STXBP5L: variants seen among roughly 807,000 people sequenced by gnomAD.
STXBP5L encodes the protein syntaxin-binding protein 5-like.
Under a neutral mutation model 144.5 loss-of-function variants are expected in STXBP5L, and 65 were observed. That is an observed-to-expected ratio of 0.45 (90% CI 0.37 to 0.55). The LOEUF (loss-of-function observed/expected upper bound fraction) is 0.55, where lower values mean the gene tolerates loss of function less well. Ranked by LOEUF, STXBP5L falls within the 20% of genes least tolerant of loss-of-function variation. The probability of loss-of-function intolerance (pLI) is 0.00; values close to 1 mark genes in which losing one functional copy is unlikely to be tolerated. For missense variants in STXBP5L, 1,298 were observed against 1,405.5 expected, an observed-to-expected ratio of 0.92 and a Z score of 1.22; for synonymous variants, 505 against 469.6, an observed-to-expected ratio of 1.08 and a Z score of -0.97.
chr3:120,996,373 A>G (rs1012902273), intron 3 of STXBP5L, among the ~76,000 whole-genome samples: 3 of 152,000 alleles, frequency 2.0e-5, no homozygotes, highest in Admixed American at 2.0e-4. Context: ...AAGGTATACA[A>G]TGTCATATAT....
At chr3:121,134,838 C>T (rs189268995) in intron 7 of STXBP5L, among the ~76,000 whole-genome samples, 5 of 152,288 alleles carry the variant, frequency 3.3e-5, no homozygotes, top group African/African-American at 1.2e-4. Flanking sequence ...CAAGTCTTTG[C>T]TATTGTGAAT....
intron 19 of STXBP5L, among the ~76,000 whole-genome samples, chr3:121,285,610 A>C (rs1053193267): frequency 6.6e-6 from 1 of 152,110 alleles, no homozygotes; most frequent in Admixed American, 6.6e-5. Flanking sequence ...TTTGTAGTTG[A>C]AAGAAAACTT....
chr3:121,226,939 G>A (rs2049140566), intron 11 of STXBP5L, among the ~76,000 whole-genome samples: 2 of 152,156 alleles, frequency 1.3e-5, no homozygotes, highest in South Asian at 4.2e-4. Context: ...GTAAAACTAG[G>A]AACTCTTGAA....
Position 121,423,723 on chromosome 3 carries a change from C to T in STXBP5L, c.*4626C>T, listed in dbSNP as rs575724972. The T allele has an allele frequency of 6.6e-6, 1 of 152,336 alleles. No homozygotes were observed. Among genetic ancestry groups the T allele is most frequent in the South Asian group, 2.1e-4 (1 of 4,834 alleles). The allele number at this position is 152,336 out of a possible 1,614,324, so 9.4% of individuals were successfully genotyped here. On this transcript the variant is annotated 3_prime_UTR_variant, in exon 27 of 27. Coordinates refer to ENST00000471454, the MANE Select transcript of STXBP5L (RefSeq NM_001308330.2). ...CTAATGTCCAGCCAAAGTTGATTAT[C>T]ACTGCTTTATGGCCAACTAAGGAAA...
At chr3:121,394,268 T>C (rs2046668645) in intron 22 of STXBP5L, among the ~76,000 whole-genome samples, 4 of 152,210 alleles carry the variant, frequency 2.6e-5, no homozygotes, top group African/African-American at 2.4e-5. Flanking sequence ...ACATTGATTT[T>C]TATATACTGA....
chr3:120,976,513 T>G (rs576446539), intron 3 of STXBP5L, among the ~76,000 whole-genome samples: 2 of 152,298 alleles, frequency 1.3e-5, no homozygotes, highest in Admixed American at 6.5e-5. Context: ...GTTCATTAAT[T>G]TTTTGAAGGG....
chr3:121,140,208 A>G (rs2107935847), intron 7 of STXBP5L, among the ~76,000 whole-genome samples: 1 of 152,278 alleles, frequency 6.6e-6, no homozygotes, highest in African/African-American at 2.4e-5. Context: ...AACCACAGTG[A>G]GCTATCACCT....
At chr3:121,153,880 T>C (rs1480005349) in intron 8 of STXBP5L, among the ~76,000 whole-genome samples, 2 of 151,924 alleles carry the variant, frequency 1.3e-5, no homozygotes, top group East Asian at 3.9e-4. Flanking sequence ...AGCTAGGAGT[T>C]TCCTTTTGTT....
chr3:121,321,490 G>A (rs944019825), intron 20 of STXBP5L, among the ~76,000 whole-genome samples: 1 of 152,046 alleles, frequency 6.6e-6, no homozygotes, highest in East Asian at 1.9e-4. Flanking sequence ...ATATACAATA[G>A]CCACACATAC....
At chr3:121,119,258 A>G (rs1205504511) in intron 6 of STXBP5L, among the ~76,000 whole-genome samples, 3 of 151,462 alleles carry the variant, frequency 2.0e-5, no homozygotes, top group African/African-American at 7.2e-5. Context: ...GCAAATGAGT[A>G]GTAACTTTCC....
At chr3:121,093,471 A>G (rs931707751) in intron 5 of STXBP5L, among the ~76,000 whole-genome samples, 5 of 152,216 alleles carry the variant, frequency 3.3e-5, no homozygotes, top group Middle Eastern at 3.4e-3. Flanking sequence ...GTCTATTCAG[A>G]GATTCAACTT....
At chr3:121,235,805 A>G (rs2049457395) in intron 12 of STXBP5L, among the ~76,000 whole-genome samples, 1 of 149,772 alleles carries the variant, frequency 6.7e-6, no homozygotes, top group Admixed American at 6.8e-5. Context: ...TGGAAAGAGA[A>G]CTCCTGCCAG....
intron 19 of STXBP5L, among the ~76,000 whole-genome samples, chr3:121,293,632 G>A (rs984000554): frequency 4.6e-5 from 7 of 152,198 alleles, no homozygotes; most frequent in African/African-American, 1.4e-4. Context: ...GGCCAAGGTG[G>A]GTGGATCACC....
At chr3:121,197,004 T>C (rs2047946739) in intron 9 of STXBP5L, among the ~76,000 whole-genome samples, 1 of 152,142 alleles carries the variant, frequency 6.6e-6, no homozygotes, top group Non-Finnish European at 1.5e-5. Flanking sequence ...TCTTTTCTTC[T>C]CTTTTCCTTT....
chr3:121,084,928 C>A (rs906953210), intron 5 of STXBP5L, among the ~76,000 whole-genome samples: 42 of 152,074 alleles, frequency 2.8e-4, no homozygotes, highest in African/African-American at 9.7e-4. Flanking sequence ...GAGATAGTAT[C>A]TCATTCTAAT....
intron 25 of STXBP5L, among the ~76,000 whole-genome samples, 181 bp from the exon 26 acceptor site, chr3:121,418,152 CTCTT>C (rs754579952): frequency 1.4e-4 from 21 of 152,192 alleles, no homozygotes; most frequent in Non-Finnish European, 2.8e-4. Flanking sequence ...ATCTCACAGT[CTCTT>C]TCTTAGCATT....
At chr3:121,201,806 G>C (rs951124591) in intron 9 of STXBP5L, among the ~76,000 whole-genome samples, 9 of 152,140 alleles carry the variant, frequency 5.9e-5, no homozygotes, top group Non-Finnish European at 1.0e-4. Flanking sequence ...ATTCTCGTTT[G>C]AAAATTATTT....
At chr3:120,948,552 C>T (rs1378915303) in intron 2 of STXBP5L, among the ~76,000 whole-genome samples, 1 of 151,798 alleles carries the variant, frequency 6.6e-6, no homozygotes, top group Non-Finnish European at 1.5e-5. Context: ...AACTCTCACC[C>T]AACTCCCACC....
intron 22 of STXBP5L, among the ~76,000 whole-genome samples, chr3:121,383,280 T>C (rs766337088): frequency 6.6e-6 from 1 of 151,914 alleles, no homozygotes; most frequent in Non-Finnish European, 1.5e-5. Flanking sequence ...CTACAAATAA[T>C]TTTTAAAAAT....
Sources: allele counts gnomAD v4.1 joint callset (sites outside exome capture counted in the v4.1 genomes callset), GRCh38; gene constraint gnomAD v4.1.1; transcripts MANE v1.5; gene names NCBI Gene and HGNC (gene_info 2026-07-23, HGNC 2026-07-21).